CNTN4: variants seen among roughly 807,000 people sequenced by gnomAD.
CNTN4 encodes the protein contactin-4.
In CNTN4, 77 loss-of-function variants were observed where a neutral mutation model predicts 122.5. The ratio of observed to expected loss-of-function variants is 0.63; its 90% CI spans 0.52 to 0.76. The LOEUF is 0.76. Ranked by LOEUF, CNTN4 falls within the 30% of genes least tolerant of loss-of-function variation. CNTN4 has a pLI of 0.00. For missense variants in CNTN4, 1,256 were observed against 1,259.1 expected (o/e 1.00, Z 0.04); for synonymous variants, 512 against 447.0 (o/e 1.15, Z -1.83).
chr3:2,364,612 A>G (rs1317158282), intron 3 of CNTN4, among the ~76,000 whole-genome samples: 1 of 152,104 alleles, frequency 6.6e-6, no homozygotes, highest in Admixed American at 6.6e-5. Flanking sequence ...ACAGTTAAAT[A>G]GTTATAGTGC....
intron 2 of CNTN4, among the ~76,000 whole-genome samples, chr3:2,327,877 A>AT (rs1447728797): frequency 6.6e-6 from 1 of 152,176 alleles, no homozygotes; most frequent in African/African-American, 2.4e-5. Context: ...GCATCTTAGC[A>AT]TTTGAGGAAA....
intron 2 of CNTN4, among the ~76,000 whole-genome samples, chr3:2,244,627 C>G (rs1346414081): frequency 6.6e-6 from 1 of 151,988 alleles, no homozygotes. Context: ...TTAACTGTTA[C>G]TGCTAGAAAA....
At chr3:2,293,936 G>A (rs767753664) in intron 2 of CNTN4, among the ~76,000 whole-genome samples, 1 of 152,172 alleles carries the variant, frequency 6.6e-6, no homozygotes, top group South Asian at 2.1e-4. Flanking sequence ...GAGGTCAGCA[G>A]TTTTGACTGG....
intron 7 of CNTN4, among the ~76,000 whole-genome samples, chr3:2,845,772 C>G (rs2093446097): frequency 6.6e-6 from 1 of 152,184 alleles, no homozygotes; most frequent in South Asian, 2.1e-4. Context: ...TGGAGTTGAG[C>G]TGTTTTCAGA....
At chr3:2,609,443 A>G (rs2081390797) in intron 4 of CNTN4, among the ~76,000 whole-genome samples, 3 of 152,188 alleles carry the variant, frequency 2.0e-5, no homozygotes, top group Admixed American at 2.0e-4. Context: ...AAATAAATTC[A>G]TGTTGTTTAT....
Position 3,001,019 on chromosome 3 carries a change from C to T in CNTN4, c.1486+12547C>T, listed in dbSNP as rs949110392. ...CAAAATAGAGTCCAATAAAAGTATC[C>T]GTTTTCTATTTAATCATATGTTGGG... On this transcript the variant is annotated intron_variant, in intron 14 of 24. Transcript: ENST00000418658. Among the ~76,000 whole-genome samples the T allele has an allele frequency of 4.6e-5, 7 of 151,974 alleles. No homozygotes were observed. The East Asian group carries it at 5.8e-4, about 13-fold the overall frequency.
At chr3:2,526,193 T>C (rs2077392012) in intron 3 of CNTN4, among the ~76,000 whole-genome samples, 1 of 152,084 alleles carries the variant, frequency 6.6e-6, no homozygotes, top group Non-Finnish European at 1.5e-5. Context: ...CCCACAATCT[T>C]TTTTCTCTCC....
At chr3:2,315,230 A>G (rs1002249363) in intron 2 of CNTN4, among the ~76,000 whole-genome samples, 6 of 136,324 alleles carry the variant, frequency 4.4e-5, no homozygotes, top group Admixed American at 2.4e-4. Context: ...GCACGCTATA[A>G]TAAGTAACTT....
At chr3:2,457,602 C>A (rs2049048592) in intron 3 of CNTN4, among the ~76,000 whole-genome samples, 1 of 152,130 alleles carries the variant, frequency 6.6e-6, no homozygotes, top group Non-Finnish European at 1.5e-5. Context: ...TTTATGTCCT[C>A]AATCAGCTCA....
At chr3:2,404,623 C>A (rs1049797618) in intron 3 of CNTN4, among the ~76,000 whole-genome samples, 44 of 152,178 alleles carry the variant, frequency 2.9e-4, no homozygotes, top group African/African-American at 1.0e-3. Context: ...ATTGGGCCAA[C>A]TGATTATCTA....
chr3:2,596,056 C>T (rs1275493622), intron 4 of CNTN4, among the ~76,000 whole-genome samples: 2 of 152,118 alleles, frequency 1.3e-5, no homozygotes, highest in Non-Finnish European at 2.9e-5. Flanking sequence ...TAAAAAATAA[C>T]ACTATAGCAT....
At chr3:2,744,940 T>C (rs1367548173) in intron 5 of CNTN4, among the ~76,000 whole-genome samples, 2 of 152,194 alleles carry the variant, frequency 1.3e-5, no homozygotes, top group Middle Eastern at 3.2e-3. Flanking sequence ...GATGTTTGTG[T>C]GCCGGTGGTG....
rs191213536 is a variant in CNTN4 at position 2,573,640 on chromosome 3, A to C, written c.55+2082A>C. On this transcript the variant is annotated intron_variant, in intron 4 of 24. Coordinates refer to ENST00000418658, the MANE Select transcript of CNTN4 (RefSeq NM_175607.3). ...GAAAGGGTTAAAAATCAAGAAAGCC[A>C]CTACTCTCTTCAGTAGTGTTTTGAA... Among the ~76,000 whole-genome samples, 251 of 152,344 alleles carry C rather than the reference A, an allele frequency of 1.6e-3. 3 individuals carry two copies. The highest frequency in any genetic ancestry group is 0.015 in the Admixed American group (233 of 15,308).
chr3:2,193,724 A>G lies in CNTN4; in HGVS notation c.-145+93085A>G, dbSNP rs147555433. 9.4e-3 allele frequency among the ~76,000 whole-genome samples: 1,430 copies of G among 152,338 alleles called. 25 individuals are homozygous for G. The highest frequency in any genetic ancestry group is 0.032 in the African/African-American group (1,328 of 41,574). On this transcript the variant is annotated intron_variant, in intron 2 of 24. Coordinates refer to ENST00000418658, the MANE Select transcript of CNTN4 (RefSeq NM_175607.3). ...CCCATAAGATTATAATGCATCACAT[A>G]TGCATGACTATGGCCCCATAAGATT...
intron 3 of CNTN4, among the ~76,000 whole-genome samples, chr3:2,445,473 C>T (rs1210235337): frequency 6.6e-6 from 1 of 152,142 alleles, no homozygotes; most frequent in Non-Finnish European, 1.5e-5. Flanking sequence ...AAGTAGTCCT[C>T]TTTGAAAATA....
At chr3:2,374,558 G>T (rs2045749284) in intron 3 of CNTN4, among the ~76,000 whole-genome samples, 1 of 152,072 alleles carries the variant, frequency 6.6e-6, no homozygotes, top group African/African-American at 2.4e-5. Context: ...TCCAGTGGTG[G>T]TGTTCACTTG....
intron 6 of CNTN4, among the ~76,000 whole-genome samples, chr3:2,766,118 GT>G (rs1485952991): frequency 6.6e-6 from 1 of 152,180 alleles, no homozygotes; most frequent in Non-Finnish European, 1.5e-5. Flanking sequence ...TCCTTTGGGG[GT>G]TTGGTTCAAA....
chr3:2,911,736 GA>G (rs1273392653), intron 12 of CNTN4, among the ~76,000 whole-genome samples: 3 of 152,024 alleles, frequency 2.0e-5, no homozygotes, highest in African/African-American at 7.2e-5. Context: ...GATAAAAGAT[GA>G]AAATGAGCCC....
At chr3:2,854,268 C>CTTTTTTTTTTTTTTTTT (rs56147510) in intron 7 of CNTN4, among the ~76,000 whole-genome samples, 1 of 90,052 alleles carries the variant, frequency 1.1e-5, no homozygotes, top group African/African-American at 4.6e-5. Flanking sequence ...CTTTCTTCTT[C>CTTTTTTTTTTTTTTTTT]TTTTTTTTTT....
Sources: gnomAD v4.1 joint callset for allele counts (sites outside exome capture counted in the v4.1 genomes callset) on GRCh38, gnomAD v4.1.1 for gene constraint, MANE v1.5 for transcripts, NCBI Gene and HGNC (gene_info 2026-07-23, HGNC 2026-07-21) for gene names.